The following EML5 variants were observed in gnomAD, a reference collection of about 807,000 sequenced individuals.
EML5 encodes the protein echinoderm microtubule-associated protein-like 5.
EML5 carries 120 observed loss-of-function variants against 250.0 expected under a neutral mutation model. The ratio of observed to expected loss-of-function variants is 0.48; its 90% CI spans 0.41 to 0.56. The LOEUF is 0.56. EML5 is among the 20% of genes least tolerant of loss of function. The pLI is 0.00. For missense variants in EML5, 2,006 were observed against 2,437.6 expected, an observed-to-expected ratio of 0.82 and a Z score of 3.73; for synonymous variants, 771 against 806.5, an observed-to-expected ratio of 0.96 and a Z score of 0.75.
At chr14:88,624,849 A>G (rs975286913) in intron 36 of EML5, 121 bp downstream of exon 36, 37 of 1,042,336 alleles carry the variant, frequency 3.5e-5, no homozygotes, top group Middle Eastern at 2.1e-4. Flanking sequence ...AAGGAGAAGC[A>G]TATGAGGAGG....
chr14:88,780,002 T>A (rs1397963010), intron 1 of EML5, among the ~76,000 whole-genome samples: 1 of 152,056 alleles, frequency 6.6e-6, no homozygotes, highest in African/African-American at 2.4e-5. Context: ...CAGGATGGAG[T>A]ACAGTGGTGC....
intron 1 of EML5, among the ~76,000 whole-genome samples, chr14:88,787,189 T>C (rs1595891169): frequency 6.6e-6 from 1 of 152,350 alleles, no homozygotes; most frequent in East Asian, 1.9e-4. Context: ...AGCTTAGGTA[T>C]TATATTCTAT....
chr14:88,646,821 A>C, intron 29 of EML5, 126 bp downstream of exon 29: 2 of 911,426 alleles, frequency 2.2e-6, no homozygotes, highest in Middle Eastern at 5.9e-4. Flanking sequence ...ATTCCAAAGG[A>C]AAAAAATGTG....
chr14:88,616,920 C>G (rs754307634), intron 41 of EML5, 41 bp from the exon 42 acceptor site: 2 of 1,595,332 alleles, frequency 1.3e-6, no homozygotes, highest in Non-Finnish European at 1.7e-6. Flanking sequence ...ATGGCAAGTG[C>G]GGGCAGGTTG....
Position 88,663,041 on chromosome 14 carries a change from G to C in EML5, c.3488C>G (p.Pro1163Arg), listed in dbSNP as rs1273676310. The C allele has an allele frequency of 6.4e-6, 10 of 1,551,100 alleles. No individual in the cohort carries two copies. Among genetic ancestry groups the C allele is most frequent in the South Asian group, 4.8e-5 (4 of 83,964 alleles). Reference sequence around the variant, plus strand: ...CCACTGTTGTCCTACCTCCACGCTGGGGATGGTTTGTTTTTTCCCTCTGGG... The same window carrying C: ...CCACTGTTGTCCTACCTCCACGCTGCGGATGGTTTGTTTTTTCCCTCTGGG... ...EAPRGKKQTI[P>R]SVEVEKIAWA... The change falls in exon 24 of 44, where the codon CCC (proline) becomes CGC (arginine). Residue 1163 changes from proline (P) to arginine (R), a missense_variant. This residue lies in a region of EML5 where 1,375 missense variants were observed against 1,590.3 expected (regional missense o/e 0.86). Transcript: ENST00000554922.
intron 8 of EML5, among the ~76,000 whole-genome samples, chr14:88,725,284 T>C (rs2093649860): frequency 6.6e-6 from 1 of 152,096 alleles, no homozygotes; most frequent in African/African-American, 2.4e-5. Flanking sequence ...ATTTTACATT[T>C]AAAAATGGTT....
intron 43 of EML5, 45 bp from the exon 44 acceptor site, chr14:88,615,899 G>C: frequency 6.3e-7 from 1 of 1,581,582 alleles, no homozygotes; most frequent in Non-Finnish European, 8.6e-7. Flanking sequence ...TATGTTTTTA[G>C]ATTTTCATAA....
intron 27 of EML5, among the ~76,000 whole-genome samples, chr14:88,650,806 T>A (rs1177609934): frequency 6.6e-6 from 1 of 152,082 alleles, no homozygotes; most frequent in African/African-American, 2.4e-5. Context: ...CATTCTTGGC[T>A]AATTTTTCTA....
At chr14:88,709,122 A>C (rs2093364257) in intron 10 of EML5, among the ~76,000 whole-genome samples, 1 of 150,750 alleles carries the variant, frequency 6.6e-6, no homozygotes, top group African/African-American at 2.5e-5. Flanking sequence ...CCATTTAACT[A>C]TGTTTTAATG....
intron 27 of EML5, among the ~76,000 whole-genome samples, chr14:88,653,015 A>G (rs1250931281): frequency 6.6e-6 from 1 of 152,140 alleles, no homozygotes; most frequent in African/African-American, 2.4e-5. Context: ...GGTCCTTCAC[A>G]TCCCTTGTAA....
At chr14:88,655,367 A>G (rs1184799910) in intron 27 of EML5, among the ~76,000 whole-genome samples, 1 of 152,214 alleles carries the variant, frequency 6.6e-6, no homozygotes, top group African/African-American at 2.4e-5. Flanking sequence ...GGTAAAAACA[A>G]GCAATGAGAA....
At chr14:88,662,029 A>G (rs938604178) in intron 24 of EML5, among the ~76,000 whole-genome samples, 199 bp from the exon 25 acceptor site, 4 of 152,192 alleles carry the variant, frequency 2.6e-5, no homozygotes, top group South Asian at 4.1e-4. Context: ...ATTTTAACAT[A>G]GTATTATTCA....
intron 28 of EML5, among the ~76,000 whole-genome samples, chr14:88,648,999 C>A (rs2091490436): frequency 6.6e-6 from 1 of 152,000 alleles, no homozygotes; most frequent in African/African-American, 2.4e-5. Context: ...TCATCCTTAT[C>A]TCCCAGCATT....
intron 1 of EML5, among the ~76,000 whole-genome samples, chr14:88,758,646 G>C (rs187666783): frequency 2.6e-5 from 4 of 152,192 alleles, no homozygotes; most frequent in Non-Finnish European, 5.9e-5. Context: ...CAAAGTTACC[G>C]TATGATCCAG....
chr14:88,689,719 GC>G (rs1334054287), intron 17 of EML5, among the ~76,000 whole-genome samples: 1 of 151,968 alleles, frequency 6.6e-6, no homozygotes, highest in Non-Finnish European at 1.5e-5. Flanking sequence ...GCGTGACAGA[GC>G]AAAACCCTGT....
intron 7 of EML5, among the ~76,000 whole-genome samples, chr14:88,731,222 C>T (rs2093752356): frequency 7.6e-6 from 1 of 131,328 alleles, no homozygotes; most frequent in African/African-American, 2.8e-5. Flanking sequence ...CTCCCCCCTC[C>T]CCCCACCCCA....
intron 7 of EML5, among the ~76,000 whole-genome samples, chr14:88,730,001 C>T (rs1182281864): frequency 2.6e-5 from 4 of 151,834 alleles, no homozygotes; most frequent in Non-Finnish European, 5.9e-5. Flanking sequence ...CTTCTTAGTA[C>T]ATTACAATTT....
intron 8 of EML5, among the ~76,000 whole-genome samples, chr14:88,716,652 T>G (rs1238352600): frequency 6.6e-6 from 1 of 152,152 alleles, no homozygotes; most frequent in Non-Finnish European, 1.5e-5. Flanking sequence ...CATTTTTGTT[T>G]AGAGACTTAA....
intron 26 of EML5, among the ~76,000 whole-genome samples, chr14:88,657,909 T>G (rs2091931775): frequency 6.6e-6 from 1 of 152,162 alleles, no homozygotes; most frequent in African/African-American, 2.4e-5. Flanking sequence ...AAATCAAAAT[T>G]ATTTTAAAAT....
Sources: allele counts gnomAD v4.1 joint callset (sites outside exome capture counted in the v4.1 genomes callset), GRCh38; gene constraint gnomAD v4.1.1; regional missense constraint gnomAD v4.1.1; transcripts MANE v1.5; gene names NCBI Gene and HGNC (gene_info 2026-07-23, HGNC 2026-07-21).